The following HDAC8 variants were observed in gnomAD, a reference collection of about 807,000 sequenced individuals.
The protein encoded by HDAC8 is histone deacetylase-like 1.
HDAC8 carries 1 observed loss-of-function variant against 32.2 expected under a neutral mutation model. The ratio of observed to expected loss-of-function variants is 0.03; its 90% CI spans 0.01 to 0.15. The LOEUF (loss-of-function observed/expected upper bound fraction) is 0.15. Among genes scored for constraint, HDAC8 ranks in the 10% least tolerant of loss-of-function variants. The pLI is 1.00. For missense variants in HDAC8, 117 were observed against 300.0 expected, an observed-to-expected ratio of 0.39 and a Z score of 4.51; for synonymous variants, 108 against 113.9, an observed-to-expected ratio of 0.95 and a Z score of 0.33.
chrX:72,350,722 C>T (rs1356157547), intron 10 of HDAC8, among the ~76,000 whole-genome samples: 2 of 112,300 alleles, frequency 1.8e-5, no homozygotes, highest in Non-Finnish European at 3.8e-5. Flanking sequence ...TGTGAAGAAG[C>T]AGCTGGAGTT....
At position 72,453,578 on chromosome X, in the gene HDAC8, C is replaced by G. The variant is rs926260754; in HGVS notation, c.1005+8426G>C. 6.3e-5 allele frequency among the ~76,000 whole-genome samples: 7 copies of G among 111,356 alleles called. No homozygotes were observed. The Admixed American group carries it at 6.7e-4, about 11-fold the overall frequency. ...AATGATGCATGAAACTTCAACATAA[C>G]TGGTCTAACTAGGTTTAGCTGGAGT... is the stretch of plus-strand genomic sequence containing the variant. On this transcript the variant is annotated intron_variant, in intron 9 of 10. Coordinates refer to ENST00000373573, the MANE Select transcript of HDAC8 (RefSeq NM_018486.3).
At chrX:72,417,256 T>C (rs2046369596) in intron 9 of HDAC8, among the ~76,000 whole-genome samples, 1 of 111,288 alleles carries the variant, frequency 9.0e-6, no homozygotes, top group African/African-American at 3.3e-5. Flanking sequence ...GATAAAGAAA[T>C]AAGAGACATC....
intron 9 of HDAC8, among the ~76,000 whole-genome samples, chrX:72,455,945 C>T (rs1431229612): frequency 2.7e-5 from 3 of 111,955 alleles, no homozygotes; most frequent in Non-Finnish European, 5.6e-5. Context: ...CTGGATTAAC[C>T]TTTAAGAAAC....
chrX:72,478,735 C>T (rs1556001755), intron 7 of HDAC8, among the ~76,000 whole-genome samples: 1 of 105,085 alleles, frequency 9.5e-6, no homozygotes, highest in East Asian at 3.0e-4. Context: ...CTCACTGTAA[C>T]CTCCGCCTCC....
At chrX:72,467,908 G>A in intron 7 of HDAC8, 1 of 1,125,494 alleles carries the variant, frequency 8.9e-7, no homozygotes, top group Non-Finnish European at 1.2e-6. Context: ...TTGGTATTTA[G>A]GAGAGAGGAA....
At chrX:72,386,274 T>G (rs187428642) in intron 9 of HDAC8, among the ~76,000 whole-genome samples, 14 of 111,788 alleles carry the variant, frequency 1.3e-4, no homozygotes, top group African/African-American at 4.6e-4. Flanking sequence ...TATGGTACTA[T>G]TTGTCCCAAT....
At chrX:72,465,393 A>C (rs2047991263) in intron 7 of HDAC8, among the ~76,000 whole-genome samples, 1 of 110,792 alleles carries the variant, frequency 9.0e-6, no homozygotes, top group Non-Finnish European at 1.9e-5. Flanking sequence ...TTTGGATAGA[A>C]TCATTCAGTG....
At chrX:72,495,763 T>C (rs2049002217) in intron 4 of HDAC8, among the ~76,000 whole-genome samples, 1 of 112,299 alleles carries the variant, frequency 8.9e-6, no homozygotes, top group African/African-American at 3.2e-5. Flanking sequence ...AAAGTTAGTT[T>C]TGCACTTGTT....
intron 4 of HDAC8, among the ~76,000 whole-genome samples, chrX:72,548,877 C>T (rs188109193): frequency 1.8e-5 from 2 of 111,403 alleles, no homozygotes; most frequent in African/African-American, 3.3e-5. Context: ...ACTATGTTGC[C>T]CAGGCTGTCA....
At chrX:72,502,631 T>C (rs926621040) in intron 4 of HDAC8, among the ~76,000 whole-genome samples, 11 of 110,820 alleles carry the variant, frequency 9.9e-5, no homozygotes, top group African/African-American at 3.6e-4. Context: ...TTTAAGAAAA[T>C]AGATATTTTG....
intron 9 of HDAC8, among the ~76,000 whole-genome samples, chrX:72,427,603 G>GA (rs1491373292): frequency 4.1e-5 from 2 of 48,950 alleles, no homozygotes; most frequent in Non-Finnish European, 5.6e-5. Flanking sequence ...GTTGTGGGGT[G>GA]GGGGGGGGGA....
At chrX:72,471,320 A>T (rs1393617774) in intron 7 of HDAC8, among the ~76,000 whole-genome samples, 1 of 112,341 alleles carries the variant, frequency 8.9e-6, no homozygotes, top group Non-Finnish European at 1.9e-5. Flanking sequence ...AATTTTGTGT[A>T]GACACATTTT....
intron 9 of HDAC8, among the ~76,000 whole-genome samples, chrX:72,360,161 C>T (rs782761517): frequency 8.2e-5 from 9 of 109,826 alleles, no homozygotes; most frequent in African/African-American, 2.7e-4. Flanking sequence ...TCAAGACCAG[C>T]CTGCCCAAAG....
At chrX:72,363,482 T>C (rs2044610571) in intron 9 of HDAC8, among the ~76,000 whole-genome samples, 1 of 111,717 alleles carries the variant, frequency 9.0e-6, no homozygotes, top group African/African-American at 3.3e-5. Flanking sequence ...CCTTCACTTC[T>C]GAACCTCTTA....
At chrX:72,569,791 C>A (rs1170414171) in intron 2 of HDAC8, among the ~76,000 whole-genome samples, 4 of 112,256 alleles carry the variant, frequency 3.6e-5, no homozygotes, top group Admixed American at 2.8e-4. Context: ...CTAGCCCTTG[C>A]CACTTAAAGG....
At chrX:72,412,093 G>A (rs1555970415) in intron 9 of HDAC8, among the ~76,000 whole-genome samples, 1 of 112,189 alleles carries the variant, frequency 8.9e-6, no homozygotes, top group Non-Finnish European at 1.9e-5. Context: ...TTCAAGGAAA[G>A]TTATTTTGGC....
At chrX:72,528,293 A>C (rs1375365409) in intron 4 of HDAC8, among the ~76,000 whole-genome samples, 1 of 111,958 alleles carries the variant, frequency 8.9e-6, no homozygotes, top group Non-Finnish European at 1.9e-5. Flanking sequence ...CATTTGTTGA[A>C]TGAACAAATG....
intron 4 of HDAC8, among the ~76,000 whole-genome samples, chrX:72,514,079 C>A (rs1269892865): frequency 8.9e-6 from 1 of 112,190 alleles, no homozygotes; most frequent in Non-Finnish European, 1.9e-5. Context: ...CTATCACCAG[C>A]GTGAAATTTA....
intron 9 of HDAC8, among the ~76,000 whole-genome samples, chrX:72,390,032 A>T (rs782630155): frequency 2.7e-5 from 3 of 111,060 alleles, no homozygotes; most frequent in Non-Finnish European, 3.8e-5. Context: ...ATTTTTTTTA[A>T]TTTTTAATTT....
Sources: gnomAD v4.1 joint callset for allele counts (sites outside exome capture counted in the v4.1 genomes callset) on GRCh38, gnomAD v4.1.1 for gene constraint, MANE v1.5 for transcripts, NCBI Gene and HGNC (gene_info 2026-07-23, HGNC 2026-07-21) for gene names.